Variants in SRFBP1 observed in about 807,000 individuals in gnomAD.
SRFBP1 encodes the protein serum response factor-binding protein 1.
In SRFBP1, 47 loss-of-function variants were observed where a neutral mutation model predicts 45.5. The observed-to-expected ratio is 1.03, with a 90% CI of 0.82 to 1.32. SRFBP1 has a LOEUF of 1.32. Ranked by LOEUF, SRFBP1 falls within the 40% of genes most tolerant of loss-of-function variation. The pLI, the probability that SRFBP1 is intolerant of heterozygous loss-of-function variation, is 0.00. For missense variants in SRFBP1, 621 were observed against 484.6 expected (o/e 1.28, Z -2.64); for synonymous variants, 203 against 166.3 (o/e 1.22, Z -1.70).
Position 122,019,466 on chromosome 5 carries a change from G to C in SRFBP1, c.352+125G>C, listed in dbSNP as rs1377141086. ...ATAAGTTTCTTTCAAATATTTACCAGTGTGGAAGGTGTCTGAAAATACAGA... is the reference window on the plus strand; with the variant it reads ...ATAAGTTTCTTTCAAATATTTACCACTGTGGAAGGTGTCTGAAAATACAGA... On this transcript the variant is annotated intron_variant, in intron 5 of 7. Coordinates refer to ENST00000339397, the MANE Select transcript of SRFBP1 (RefSeq NM_152546.3). 10 of 710,618 alleles carry C rather than the reference G, an allele frequency of 1.4e-5. No individual in the cohort carries two copies. The Admixed American group carries it at 3.6e-4, about 26-fold the overall frequency. 44.0% of individuals were successfully genotyped at this position (710,618 alleles called of 1,614,324 possible).
chr5:121,987,612 G>T (rs1004649125), intron 3 of SRFBP1, among the ~76,000 whole-genome samples: 1 of 152,052 alleles, frequency 6.6e-6, no homozygotes, highest in African/African-American at 2.4e-5. Flanking sequence ...CAAAAATTTA[G>T]AACCCAGACA....
chr5:122,068,353 C>G (rs2913396), intron 2 of SRFBP1, among the ~76,000 whole-genome samples: 2 of 152,080 alleles, frequency 1.3e-5, no homozygotes, highest in Non-Finnish European at 2.9e-5. Flanking sequence ...CAACAGACCT[C>G]TCCAGACCTA....
chr5:122,002,230 T>A (rs1434625996), intron 4 of SRFBP1, among the ~76,000 whole-genome samples: 1 of 152,186 alleles, frequency 6.6e-6, no homozygotes. Context: ...ATTAACACAA[T>A]CAGCAAGTTA....
chr5:122,024,755 T>C (rs1178971459), intron 7 of SRFBP1, among the ~76,000 whole-genome samples: 1 of 152,196 alleles, frequency 6.6e-6, no homozygotes, highest in Non-Finnish European at 1.5e-5. Flanking sequence ...TAACTGTAAA[T>C]ATAAGACATA....
At chr5:122,055,418 C>G (rs1262587921) in intron 2 of SRFBP1, among the ~76,000 whole-genome samples, 1 of 152,150 alleles carries the variant, frequency 6.6e-6, no homozygotes, top group African/African-American at 2.4e-5. Context: ...CTAGGATAAT[C>G]CCAATACTAA....
chr5:121,966,946 A>ATTTTTTTTTTTTTTTT (rs34687337), intron 1 of SRFBP1, among the ~76,000 whole-genome samples: 2 of 114,686 alleles, frequency 1.7e-5, no homozygotes, highest in South Asian at 3.1e-4. Context: ...CGCCCAGCTA[A>ATTTTTTTTTTTTTTTT]TTTTTTTTTT....
downstream of SRFBP1, among the ~76,000 whole-genome samples, chr5:122,029,374 G>A (rs1391602013): frequency 1.3e-5 from 2 of 151,988 alleles, no homozygotes; most frequent in Non-Finnish European, 2.9e-5. Flanking sequence ...AACTATACCT[G>A]GGCTTGTGGA....
chr5:122,019,365 C>A (rs76311317), intron 5 of SRFBP1, 24 bp downstream of exon 5: 1 of 1,569,228 alleles, frequency 6.4e-7, no homozygotes, highest in Non-Finnish European at 8.7e-7. Context: ...GACTTTTAAG[C>A]CATGTACTTA....
intron 3 of SRFBP1, among the ~76,000 whole-genome samples, chr5:121,991,243 T>C (rs750787364): frequency 1.3e-5 from 2 of 152,202 alleles, no homozygotes; most frequent in East Asian, 3.8e-4. Flanking sequence ...ATGTAATTTA[T>C]ATGTTCTTAA....
intron 1 of SRFBP1, among the ~76,000 whole-genome samples, chr5:121,968,729 G>A (rs1370544936): frequency 6.6e-6 from 1 of 152,116 alleles, no homozygotes; most frequent in Non-Finnish European, 1.5e-5. Flanking sequence ...CCCCAAAGGA[G>A]TAAATCAGTT....
chr5:121,964,599 G>A (rs1182684072), intron 1 of SRFBP1, among the ~76,000 whole-genome samples: 3 of 152,134 alleles, frequency 2.0e-5, no homozygotes, highest in Admixed American at 6.5e-5. Context: ...ATCATTGATG[G>A]GCATTTGGGT....
chr5:121,981,650 C>G (rs565927943), intron 3 of SRFBP1, among the ~76,000 whole-genome samples: 26 of 149,754 alleles, frequency 1.7e-4, no homozygotes, highest in African/African-American at 5.9e-4. Context: ...CATAGCACAT[C>G]TCTCCCACCT....
intron 2 of SRFBP1, among the ~76,000 whole-genome samples, chr5:122,037,442 A>C (rs1753711154): frequency 6.6e-6 from 1 of 152,116 alleles, no homozygotes; most frequent in African/African-American, 2.4e-5. Context: ...ACCATCTTCA[A>C]ATTATTCCAT....
At chr5:122,058,528 TAGTGTGTG>T (rs1754120965) in intron 2 of SRFBP1, among the ~76,000 whole-genome samples, 2 of 117,774 alleles carry the variant, frequency 1.7e-5, no homozygotes, top group South Asian at 5.5e-4. Context: ...GACAATGAGA[TAGTGTGTG>T]TGTGTGTGTG....
chr5:122,073,457 A>C (rs1754512236), intron 2 of SRFBP1, among the ~76,000 whole-genome samples: 1 of 152,240 alleles, frequency 6.6e-6, no homozygotes, highest in Non-Finnish European at 1.5e-5. Flanking sequence ...GCTTTTAAAG[A>C]AACTTATTTT....
chr5:122,047,235 G>C (rs1753878513), intron 2 of SRFBP1, among the ~76,000 whole-genome samples: 2 of 152,168 alleles, frequency 1.3e-5, no homozygotes, highest in African/African-American at 4.8e-5. Context: ...AAGGTGTAAG[G>C]AAGGGATCCA....
chr5:122,066,845 A>G (rs1754314611), intron 2 of SRFBP1: 2 of 770,734 alleles, frequency 2.6e-6, no homozygotes, highest in Admixed American at 1.9e-5. Flanking sequence ...TAAAAACTTT[A>G]TGCAACAGTT....
intron 4 of SRFBP1, among the ~76,000 whole-genome samples, chr5:121,995,248 G>C (rs1165726975): frequency 6.6e-6 from 1 of 151,568 alleles, no homozygotes; most frequent in African/African-American, 2.4e-5. Flanking sequence ...TTCCAAAATT[G>C]ACCACATACT....
Position 122,020,343 on chromosome 5 carries a change from C to G in SRFBP1, c.608C>G (p.Ser203Cys), listed in dbSNP as rs1389866577. The part of the protein sequence containing the change: ...HGPKAVTIAN[S>C]PSKPSEKDSV... ...CCTAAAGCAGTGACTATTGCAAATTCTCCATCAAAGCCTTCAGAAAAGGAT... is the reference window on the plus strand; with the variant it reads ...CCTAAAGCAGTGACTATTGCAAATTGTCCATCAAAGCCTTCAGAAAAGGAT... Residue 203 changes from serine to cysteine, a missense_variant, in exon 6 of 8, where the codon TCT becomes TGT. By Grantham distance (112) the Ser-to-Cys change is moderately radical (BLOSUM62 -1). Transcript: ENST00000339397. 1.2e-5 allele frequency: 19 copies of G among 1,613,964 alleles called. No homozygotes were observed. Among genetic ancestry groups the G allele is most frequent in the Non-Finnish European group, 1.6e-5 (19 of 1,179,958 alleles).
Sources: gnomAD v4.1 joint callset for allele counts (sites outside exome capture counted in the v4.1 genomes callset) on GRCh38, gnomAD v4.1.1 for gene constraint, MANE v1.5 for transcripts, NCBI Gene and HGNC (gene_info 2026-07-23, HGNC 2026-07-21) for gene names.